Variants in DYSF observed in about 807,000 individuals in gnomAD.
DYSF encodes the protein dysferlin.
In DYSF, 212 loss-of-function variants were observed where a neutral mutation model predicts 274.9. The observed-to-expected ratio is 0.77, with a 90% CI of 0.69 to 0.86. The LOEUF is 0.86. Among genes scored for constraint, DYSF ranks in the 40% least tolerant of loss-of-function variants. DYSF has a pLI of 0.00. For missense variants in DYSF, 2,666 were observed against 2,783.2 expected, an observed-to-expected ratio of 0.96 and a Z score of 0.95; for synonymous variants, 1,091 against 1,078.7, an observed-to-expected ratio of 1.01 and a Z score of -0.22.
Position 71,589,824 on chromosome 2 carries a change from T to C in DYSF, c.3496+138T>C. ...TCTGTGCTTTTTGGTGGGTCAGTGCTGTGTGTATGTGTGTGTGTGTGCGCG... is the reference window on the plus strand; with the variant it reads ...TCTGTGCTTTTTGGTGGGTCAGTGCCGTGTGTATGTGTGTGTGTGTGCGCG... On this transcript the variant is annotated intron_variant, in intron 31 of 55. Coordinates refer to ENST00000410020, the MANE Select transcript of DYSF (RefSeq NM_001130987.2). 3 of 829,556 alleles carry C rather than the reference T, an allele frequency of 3.6e-6. No homozygotes were observed. In the South Asian group the frequency reaches 4.1e-5, roughly 11 times the overall value. 51.4% of individuals were successfully genotyped at this position (829,556 alleles called of 1,614,324 possible).
chr2:71,613,592 G>C (rs147744494), intron 40 of DYSF, among the ~76,000 whole-genome samples, 182 bp downstream of exon 40: 26 of 152,332 alleles, frequency 1.7e-4, no homozygotes, highest in Admixed American at 4.6e-4. Context: ...CTGGCTGAGG[G>C]GGGTGGGGTG....
At chr2:71,457,010 A>G in intron 1 of DYSF, among the ~76,000 whole-genome samples, 1 of 152,114 alleles carries the variant, frequency 6.6e-6, no homozygotes, top group Non-Finnish European at 1.5e-5. Flanking sequence ...AAGATGGAGG[A>G]TTCTGGGGTT....
At chr2:71,522,605 T>C (rs929856705) in intron 12 of DYSF, among the ~76,000 whole-genome samples, 1 of 152,180 alleles carries the variant, frequency 6.6e-6, no homozygotes, top group Non-Finnish European at 1.5e-5. Context: ...ACCTGAGACT[T>C]GTAAATTGCT....
intron 41 of DYSF, among the ~76,000 whole-genome samples, chr2:71,634,630 T>C (rs979580200): frequency 1.4e-4 from 22 of 152,362 alleles, no homozygotes; most frequent in African/African-American, 4.8e-4. Context: ...TAATCTCTCC[T>C]GTGAGCCCAC....
chr2:71,672,884 C>G (rs911725866), intron 51 of DYSF, among the ~76,000 whole-genome samples: 3 of 152,238 alleles, frequency 2.0e-5, no homozygotes, highest in Middle Eastern at 3.2e-3. Context: ...GAGACCTGAG[C>G]CCCTTCCCCA....
At chr2:71,639,801 G>A (rs1211886511) in intron 41 of DYSF, among the ~76,000 whole-genome samples, 1 of 152,198 alleles carries the variant, frequency 6.6e-6, no homozygotes, top group Non-Finnish European at 1.5e-5. Context: ...CGTGCAGCCA[G>A]TTTGCCTTCT....
At chr2:71,630,268 A>G (rs1341930258) in intron 41 of DYSF, among the ~76,000 whole-genome samples, 2 of 152,234 alleles carry the variant, frequency 1.3e-5, no homozygotes, top group Non-Finnish European at 2.9e-5. Flanking sequence ...GTAAGAAGGA[A>G]ACCAGGATCA....
At chr2:71,656,135 C>T in intron 42 of DYSF, 27 bp from the exon 43 acceptor site, 2 of 1,613,754 alleles carry the variant, frequency 1.2e-6, no homozygotes, top group Non-Finnish European at 1.7e-6. Flanking sequence ...GTCTCTTGTC[C>T]CCTCCTCTAA....
rs139364929 is a variant in DYSF, at chr2:71,598,685, G to A, written c.3696G>A (p.Pro1232=). Residue 1232 remains proline, a synonymous_variant, in exon 33 of 56, where the codon CCG becomes CCA. Coordinates refer to ENST00000410020, the MANE Select transcript of DYSF (RefSeq NM_001130987.2). ...ACGAGATCGAGATCTTTGGCGAGCCGGCCACAGTTGCTGAGCAACCGCCCA... is the reference window on the plus strand; with the variant it reads ...ACGAGATCGAGATCTTTGGCGAGCCAGCCACAGTTGCTGAGCAACCGCCCA... ...IFYEIEIFGE[P]ATVAEQPPSI... 8.2e-5 allele frequency: 133 copies of A among 1,613,788 alleles called. No homozygotes were observed. The highest frequency in any genetic ancestry group is 1.0e-4 in the Non-Finnish European group (121 of 1,180,044).
intron 17 of DYSF, among the ~76,000 whole-genome samples, chr2:71,549,754 C>A (rs576346067): frequency 1.7e-4 from 26 of 152,096 alleles, no homozygotes; most frequent in Admixed American, 9.8e-4. Context: ...AGGAGGAGGC[C>A]AAGAGGAGTT....
intron 3 of DYSF, among the ~76,000 whole-genome samples, chr2:71,490,342 C>T (rs1573472849): frequency 6.6e-6 from 1 of 151,894 alleles, no homozygotes; most frequent in African/African-American, 2.4e-5. Flanking sequence ...TGGTGCGTAT[C>T]TTTCTTTCTT....
rs142345675 is a variant in DYSF, at chr2:71,666,173, G to A, written c.5317+869G>A. On this transcript the variant is annotated intron_variant, in intron 47 of 55. Coordinates refer to ENST00000410020, the MANE Select transcript of DYSF (RefSeq NM_001130987.2). ...ATAGAATGAGCATCTGTTTTCGGGG[G>A]AGTCTCATTTCCTTCTACTAGTCTG... Among the ~76,000 whole-genome samples the A allele has an allele frequency of 5.1e-3, 777 of 152,278 alleles. 3 individuals are homozygous for A. Among genetic ancestry groups the A allele is most frequent in the Middle Eastern group, 0.048 (14 of 294 alleles).
At chr2:71,536,993 C>T (rs1469046427) in intron 16 of DYSF, among the ~76,000 whole-genome samples, 1 of 151,974 alleles carries the variant, frequency 6.6e-6, no homozygotes, top group Non-Finnish European at 1.5e-5. Context: ...AACAAAAAAA[C>T]CCCAAACCAC....
At chr2:71,593,293 C>T (rs1478345930) in intron 32 of DYSF, among the ~76,000 whole-genome samples, 2 of 151,964 alleles carry the variant, frequency 1.3e-5, no homozygotes, top group Admixed American at 6.6e-5. Context: ...CCACCATGCC[C>T]AGCTAATTTT....
chr2:71,487,982 A>G (rs1308816559), intron 3 of DYSF, among the ~76,000 whole-genome samples: 1 of 152,204 alleles, frequency 6.6e-6, no homozygotes, highest in Non-Finnish European at 1.5e-5. Context: ...GAACTGAAAA[A>G]CAGATGGAAG....
chr2:71,674,073 G>A, intron 51 of DYSF, 124 bp from the exon 52 acceptor site: 1 of 824,896 alleles, frequency 1.2e-6, no homozygotes, highest in Non-Finnish European at 2.0e-6. Flanking sequence ...ACCTGGCTCT[G>A]GCAGGTCCCT....
intron 41 of DYSF, among the ~76,000 whole-genome samples, chr2:71,642,551 G>A (rs571895298): frequency 5.9e-5 from 9 of 152,262 alleles, no homozygotes; most frequent in East Asian, 1.9e-4. Context: ...CATGCTGTAC[G>A]CTACCCCACC....
chr2:71,641,683 G>A (rs1281260940), intron 41 of DYSF, among the ~76,000 whole-genome samples: 5 of 151,606 alleles, frequency 3.3e-5, no homozygotes, highest in Middle Eastern at 3.4e-3. Flanking sequence ...CAACTCGTAC[G>A]TTTTGGGACA....
At chr2:71,491,453 G>A (rs988769493) in intron 3 of DYSF, among the ~76,000 whole-genome samples, 2 of 152,302 alleles carry the variant, frequency 1.3e-5, no homozygotes, top group Non-Finnish European at 1.5e-5. Flanking sequence ...ACAGGTGCAG[G>A]TTTCTTACAT....
Sources: allele counts gnomAD v4.1 joint callset (sites outside exome capture counted in the v4.1 genomes callset), GRCh38; gene constraint gnomAD v4.1.1; transcripts MANE v1.5; gene names NCBI Gene and HGNC (gene_info 2026-07-23, HGNC 2026-07-21).